INO80D: variants seen among roughly 807,000 people sequenced by gnomAD.
INO80D encodes INO80 complex subunit D.
Under a neutral mutation model 87.6 loss-of-function variants are expected in INO80D, and 21 were observed. The ratio of observed to expected loss-of-function variants is 0.24; its 90% CI spans 0.17 to 0.35. The LOEUF (loss-of-function observed/expected upper bound fraction) is 0.35. Ranked by LOEUF, INO80D falls within the 10% of genes least tolerant of loss-of-function variation. The probability of loss-of-function intolerance (pLI) is 1.00; values close to 1 mark genes in which losing one functional copy is unlikely to be tolerated. For synonymous variants in INO80D, 440 were observed against 491.0 expected, an observed-to-expected ratio of 0.90 and a Z score of 1.37; for missense variants, 982 against 1,280.7, an observed-to-expected ratio of 0.77 and a Z score of 3.56.
At chr2:206,030,474 AGACTGCT>A (rs1688732453) in intron 5 of INO80D, among the ~76,000 whole-genome samples, 3 of 151,838 alleles carry the variant, frequency 2.0e-5, no homozygotes. Context: ...AAAAAAAAAA[AGACTGCT>A]GGAAGTAAAG....
chr2:206,051,871 T>G (rs1259183219), intron 4 of INO80D, among the ~76,000 whole-genome samples: 1 of 152,194 alleles, frequency 6.6e-6, no homozygotes, highest in Non-Finnish European at 1.5e-5. Flanking sequence ...ACACTGATGG[T>G]ATAAAAGCAA....
At chr2:206,031,335 A>C (rs1336864323) in intron 5 of INO80D, among the ~76,000 whole-genome samples, 1 of 152,162 alleles carries the variant, frequency 6.6e-6, no homozygotes, top group East Asian at 1.9e-4. Flanking sequence ...AATATGAAAG[A>C]TTAGAAAGTC....
At chr2:206,020,617 T>C (rs1249111226) in intron 6 of INO80D, among the ~76,000 whole-genome samples, 1 of 152,184 alleles carries the variant, frequency 6.6e-6, no homozygotes, top group Non-Finnish European at 1.5e-5. Context: ...TTTTTTTTTA[T>C]CTCCACTTTG....
rs779504584 is a variant in INO80D at position 206,007,422 on chromosome 2, G to C, written c.1780C>G (p.Leu594Val). ...SHIRSPSTPE[L>V]SADELPDDIA... ...TCATCCGGCAACTCATCAGCACTCA[G>C]CTCTGGCGTGGATGGGCTCCTGGGA... The change falls in exon 10 of 11, where the codon CTG becomes GTG. Residue 594 changes from leucine (L) to valine (V), a missense_variant. Transcript: ENST00000403263. 1 of 1,611,872 alleles carries C rather than the reference G, an allele frequency of 6.2e-7. No individual in the cohort carries two copies. Among genetic ancestry groups the C allele is most frequent in the South Asian group, 1.1e-5 (1 of 90,382 alleles).
intron 5 of INO80D, among the ~76,000 whole-genome samples, chr2:206,029,204 T>A (rs1356324680): frequency 6.6e-6 from 1 of 152,130 alleles, no homozygotes; most frequent in African/African-American, 2.4e-5. Flanking sequence ...CATGTATTTT[T>A]TTAACTATGG....
intron 5 of INO80D, among the ~76,000 whole-genome samples, chr2:206,032,932 C>G (rs960717005): frequency 2.6e-5 from 4 of 152,016 alleles, no homozygotes; most frequent in Admixed American, 2.6e-4. Context: ...AAACAAAAAA[C>G]AAAAGTACAC....
At chr2:206,070,448 C>T (rs376888498) in intron 1 of INO80D, among the ~76,000 whole-genome samples, 1 of 151,126 alleles carries the variant, frequency 6.6e-6, no homozygotes, top group Non-Finnish European at 1.5e-5. Context: ...GAGCCAGGCG[C>T]GGTGGCTCAT....
intron 1 of INO80D, among the ~76,000 whole-genome samples, chr2:206,077,857 T>C (rs1690160425): frequency 6.6e-6 from 1 of 152,036 alleles, no homozygotes; most frequent in African/African-American, 2.4e-5. Context: ...ACTTTCTCTT[T>C]CTTGAAAATC....
intron 4 of INO80D, among the ~76,000 whole-genome samples, chr2:206,047,717 G>C (rs1382156506): frequency 6.6e-6 from 1 of 151,562 alleles, no homozygotes; most frequent in African/African-American, 2.4e-5. Flanking sequence ...CAACAACGAA[G>C]GGCCCTATGA....
Position 206,004,667 on chromosome 2 carries a change from T to A in INO80D, c.2785A>T (p.Thr929Ser). Residue 929 changes from threonine (T) to serine (S), a missense_variant, in exon 11 of 11, where the codon ACC becomes TCC. Coordinates refer to ENST00000403263, the MANE Select transcript of INO80D (RefSeq NM_017759.5). This position sits in a 1 kb window ranked among gnomAD's most constrained non-coding sequence, Gnocchi z 4.9. ...ACGGTGGCGAAGGCAGGCTGTGTGGTCTCTGAGTTCGAAGTGGTGGGTGGC... is the reference window on the plus strand; with the variant it reads ...ACGGTGGCGAAGGCAGGCTGTGTGGACTCTGAGTTCGAAGTGGTGGGTGGC... ...STPPTTSNSE[T>S]TQPAFATVTP... 1 of 1,613,590 alleles carries A rather than the reference T, an allele frequency of 6.2e-7. No individual in the cohort carries two copies. The highest frequency in any genetic ancestry group is 8.5e-7 in the Non-Finnish European group (1 of 1,179,750).
intron 5 of INO80D, among the ~76,000 whole-genome samples, chr2:206,043,638 C>CA (rs1212237050): frequency 6.6e-6 from 1 of 152,110 alleles, no homozygotes; most frequent in Non-Finnish European, 1.5e-5. Flanking sequence ...CAGGCACCCG[C>CA]CACCAGGCCC....
rs995545091 is a variant in INO80D at position 205,995,237 on chromosome 2, A to C, written c.*9131T>G. On this transcript the variant is annotated 3_prime_UTR_variant, in exon 11 of 11. Coordinates refer to ENST00000403263, the MANE Select transcript of INO80D (RefSeq NM_017759.5). The stretch of plus-strand genomic sequence containing the variant: ...CACTTCAGAGAGAGGAAAAATGCAC[A>C]AAGCTCCTCAAGTGAATCTCCAGCT... 7 of 152,198 alleles carry C rather than the reference A, an allele frequency of 4.6e-5. No homozygotes were observed. Among genetic ancestry groups the C allele is most frequent in the African/African-American group, 1.7e-4 (7 of 41,458 alleles). 9.4% of individuals were successfully genotyped at this position (152,198 alleles called of 1,614,324 possible). A position where few individuals can be genotyped will look rare whatever the true frequency, so the allele number is the denominator to read the frequency against.
chr2:206,071,055 T>TCAAGCGAATTCTCCTGTCTC (rs1689951962), intron 1 of INO80D, among the ~76,000 whole-genome samples: 1 of 151,860 alleles, frequency 6.6e-6, no homozygotes, highest in Admixed American at 6.6e-5. Context: ...CCTCCTGGGT[T>TCAAGCGAATTCTCCTGTCTC]CAAGCGAATT....
intron 3 of INO80D, among the ~76,000 whole-genome samples, chr2:206,058,813 G>T (rs1689603791): frequency 6.6e-6 from 1 of 152,084 alleles, no homozygotes; most frequent in Non-Finnish European, 1.5e-5. Flanking sequence ...ATTAAAGAAT[G>T]ATTTTGTTGT....
At chr2:206,025,541 AAAT>A (rs886203035) in intron 6 of INO80D, 6 of 104,294 alleles carry the variant, frequency 5.8e-5, no homozygotes, top group East Asian at 6.6e-4. Flanking sequence ...AAAAAAAAAA[AAAT>A]ATATATATAT....
chr2:206,048,041 G>C, intron 4 of INO80D, among the ~76,000 whole-genome samples: 1 of 151,686 alleles, frequency 6.6e-6, no homozygotes. Context: ...ATTTTTAGTA[G>C]AGACGGGGTT....
chr2:206,043,689 G>A (rs940523190), intron 5 of INO80D, among the ~76,000 whole-genome samples: 2 of 150,690 alleles, frequency 1.3e-5, no homozygotes, highest in African/African-American at 4.9e-5. Context: ...GGGTTTCACC[G>A]CGTTAGCCAG....
At chr2:206,064,756 G>A (rs1300486897) in intron 1 of INO80D, among the ~76,000 whole-genome samples, 1 of 151,848 alleles carries the variant, frequency 6.6e-6, no homozygotes, top group Non-Finnish European at 1.5e-5. Flanking sequence ...CATTCCACCT[G>A]CCAGTAATGA....
intron 6 of INO80D, chr2:206,025,542 A>AAAAAAAAAATATAT (rs71301548): frequency 7.8e-5 from 6 of 76,936 alleles, no homozygotes; most frequent in African/African-American, 2.2e-4. Context: ...AAAAAAAAAA[A>AAAAAAAAAATATAT]ATATATATAT....
Sources: gnomAD v4.1 joint callset for allele counts (sites outside exome capture counted in the v4.1 genomes callset) on GRCh38, gnomAD v4.1.1 for gene constraint, Gnocchi (gnomAD v3.1) non-coding constraint, MANE v1.5 for transcripts, NCBI Gene and HGNC (gene_info 2026-07-23, HGNC 2026-07-21) for gene names.